The following SGCZ variants were observed in gnomAD, a reference collection of about 807,000 sequenced individuals.
SGCZ encodes zeta-sarcoglycan.
SGCZ carries 40 observed loss-of-function variants against 41.3 expected under a neutral mutation model. The ratio of observed to expected loss-of-function variants is 0.97; its 90% CI spans 0.75 to 1.26. The LOEUF (loss-of-function observed/expected upper bound fraction) is 1.26, where lower values mean the gene tolerates loss of function less well. Among genes scored for constraint, SGCZ ranks in the 50% most tolerant of loss-of-function variants. SGCZ has a pLI of 0.00. For missense variants in SGCZ, 552 were observed against 369.8 expected (o/e 1.49, Z -4.04); for synonymous variants, 206 against 137.5 (o/e 1.50, Z -3.49).
chr8:15,101,999 C>G (rs1355639164), intron 1 of SGCZ, among the ~76,000 whole-genome samples: 1 of 152,094 alleles, frequency 6.6e-6, no homozygotes, highest in Admixed American at 6.6e-5. Flanking sequence ...TTAGGCCTAC[C>G]ATCTGATCCA....
intron 1 of SGCZ, among the ~76,000 whole-genome samples, chr8:14,800,171 C>T (rs545203109): frequency 6.6e-6 from 1 of 152,018 alleles, no homozygotes; most frequent in African/African-American, 2.4e-5. Flanking sequence ...TTTTTCATGG[C>T]ACACTATAAA....
chr8:14,895,966 C>T (rs569969003), intron 1 of SGCZ, among the ~76,000 whole-genome samples: 10 of 152,308 alleles, frequency 6.6e-5, no homozygotes, highest in Admixed American at 2.6e-4. Context: ...ATTAAAAATA[C>T]GTACATCCCA....
At chr8:15,122,479 C>A (rs1435699526) in intron 1 of SGCZ, among the ~76,000 whole-genome samples, 1 of 152,044 alleles carries the variant, frequency 6.6e-6, no homozygotes, top group African/African-American at 2.4e-5. Context: ...TGTAGGTCAT[C>A]TTTCCAGGTA....
intron 4 of SGCZ, among the ~76,000 whole-genome samples, chr8:14,179,824 T>A (rs1349649698): frequency 6.6e-6 from 1 of 152,014 alleles, no homozygotes; most frequent in Admixed American, 6.6e-5. Context: ...TAGAAGATAC[T>A]CATTCCTCAC....
chr8:14,548,694 G>C (rs1300297145), intron 2 of SGCZ, among the ~76,000 whole-genome samples: 1 of 152,056 alleles, frequency 6.6e-6, no homozygotes, highest in African/African-American at 2.4e-5. Flanking sequence ...CTGAAAATTA[G>C]ATTATAATTA....
chr8:14,850,448 C>T (rs906595499), intron 1 of SGCZ, among the ~76,000 whole-genome samples: 5 of 151,846 alleles, frequency 3.3e-5, no homozygotes, highest in East Asian at 1.9e-4. Flanking sequence ...TTTTGATTGG[C>T]GAGATGGTGG....
chr8:14,541,109 A>G (rs1803453245), intron 2 of SGCZ, among the ~76,000 whole-genome samples: 1 of 151,828 alleles, frequency 6.6e-6, no homozygotes. Flanking sequence ...TATATTATAT[A>G]TATCAGATAT....
At chr8:14,292,521 G>T (rs1007633248) in intron 3 of SGCZ, among the ~76,000 whole-genome samples, 1 of 152,082 alleles carries the variant, frequency 6.6e-6, no homozygotes, top group African/African-American at 2.4e-5. Context: ...TGAGGCACAA[G>T]ATAGGGAATG....
At chr8:14,354,200 T>G (rs1478881871) in intron 2 of SGCZ, among the ~76,000 whole-genome samples, 1 of 152,044 alleles carries the variant, frequency 6.6e-6, no homozygotes. Flanking sequence ...AAACTTGTAA[T>G]TTTAGTGCCT....
chr8:14,147,816 C>G (rs1437177093), intron 5 of SGCZ, among the ~76,000 whole-genome samples: 1 of 152,030 alleles, frequency 6.6e-6, no homozygotes, highest in Non-Finnish European at 1.5e-5. Context: ...GGTCACAAAA[C>G]AAGTCTGAAA....
chr8:14,292,869 A>G (rs1025864150), intron 3 of SGCZ, among the ~76,000 whole-genome samples: 1 of 151,960 alleles, frequency 6.6e-6, no homozygotes, highest in Non-Finnish European at 1.5e-5. Context: ...TATATATATA[A>G]TTTTAGTATA....
chr8:14,204,178 G>A (rs1160030810), intron 4 of SGCZ, among the ~76,000 whole-genome samples: 2 of 151,998 alleles, frequency 1.3e-5, no homozygotes, highest in Non-Finnish European at 2.9e-5. Flanking sequence ...TGGGAAAATG[G>A]GGCATAAAAC....
intron 3 of SGCZ, among the ~76,000 whole-genome samples, chr8:14,273,492 C>T (rs1367823794): frequency 6.6e-6 from 1 of 152,158 alleles, no homozygotes; most frequent in African/African-American, 2.4e-5. Context: ...TGAAGTAGTG[C>T]TCATCCGATC....
intron 4 of SGCZ, among the ~76,000 whole-genome samples, chr8:14,181,419 C>T (rs1253977647): frequency 6.6e-6 from 1 of 152,208 alleles, no homozygotes; most frequent in Non-Finnish European, 1.5e-5. Context: ...AACTCAGACT[C>T]ACTGGGGATT....
chr8:15,221,079 G>C (rs541029632), intron 1 of SGCZ, among the ~76,000 whole-genome samples: 3 of 152,124 alleles, frequency 2.0e-5, no homozygotes, highest in African/African-American at 7.2e-5. Context: ...AAGTTAATGG[G>C]TTCAGCAAAC....
chr8:14,520,756 A>G (rs762531419), intron 2 of SGCZ, among the ~76,000 whole-genome samples: 12 of 152,272 alleles, frequency 7.9e-5, no homozygotes, highest in African/African-American at 2.4e-4. Context: ...TCTGACATTC[A>G]AAAGGAATCT....
At chr8:14,884,342 G>C (rs1334854736) in intron 1 of SGCZ, among the ~76,000 whole-genome samples, 1 of 151,980 alleles carries the variant, frequency 6.6e-6, no homozygotes, top group Non-Finnish European at 1.5e-5. Context: ...CTGAGTTAAG[G>C]AACAGTGTGA....
At chr8:14,182,083 C>T (rs1369904215) in intron 4 of SGCZ, among the ~76,000 whole-genome samples, 1 of 152,130 alleles carries the variant, frequency 6.6e-6, no homozygotes, top group Non-Finnish European at 1.5e-5. Flanking sequence ...TATATGTGGC[C>T]TGTACGCATA....
At position 14,323,978 on chromosome 8, in the gene SGCZ, T is replaced by G. The variant is rs541413439; in HGVS notation, c.336+125A>C. On this transcript the variant is annotated intron_variant, in intron 3 of 7. Transcript: ENST00000382080. ...ATGTTATCATTTTGATTTCTAAACA[T>G]AGGTGTTTAGCTTAAGGAAACTAAA... 3.3e-4 allele frequency: 196 copies of G among 598,048 alleles called. No individual in the cohort carries two copies. The African/African-American group carries it at 3.3e-3, about 10-fold the overall frequency. The allele number at this position is 598,048 out of a possible 1,614,324, so 37.0% of individuals were successfully genotyped here.
Sources: allele counts gnomAD v4.1 joint callset (sites outside exome capture counted in the v4.1 genomes callset), GRCh38; gene constraint gnomAD v4.1.1; transcripts MANE v1.5; gene names NCBI Gene and HGNC (gene_info 2026-07-23, HGNC 2026-07-21).